Variants in WDR11 observed in about 807,000 individuals in gnomAD.
The protein encoded by WDR11 is WD repeat-containing protein 11.
A neutral mutation model predicts 151.2 loss-of-function variants in WDR11; 83 were observed. The observed-to-expected ratio is 0.55, with a 90% CI of 0.46 to 0.66. The LOEUF (loss-of-function observed/expected upper bound fraction) is 0.66. Ranked by LOEUF, WDR11 falls within the 30% of genes least tolerant of loss-of-function variation. WDR11 has a pLI of 0.00. For synonymous variants in WDR11, 484 were observed against 533.1 expected (o/e 0.91, Z 1.27); for missense variants, 1,301 against 1,480.9 (o/e 0.88, Z 1.99).
At position 120,866,766 on chromosome 10, in the gene WDR11, T is replaced by C. The variant is rs1489802416; in HGVS notation, c.1190+2T>C. The C allele has an allele frequency of 6.2e-7, 1 of 1,614,004 alleles. No homozygotes were observed. The highest frequency in any genetic ancestry group is 1.3e-5 in the African/African-American group (1 of 74,932). On this transcript the variant is annotated splice_donor_variant, in intron 8 of 28. Transcript: ENST00000263461. LOFTEE classifies it high-confidence loss of function. ...TTGTAATCGAAATTCACGGAACAGG[T>C]AAATGAATCAACAGGATCATGGTTT...
chr10:120,873,793 G>A (rs985751752), intron 10 of WDR11, 46 bp from the exon 11 acceptor site: 3 of 1,313,586 alleles, frequency 2.3e-6, no homozygotes, highest in Admixed American at 3.4e-5. Context: ...GCAAAGTGCT[G>A]GAACTCCCAC....
rs372051040 is a variant in WDR11, at chr10:120,858,733, G to T, written c.289G>T (p.Val97Phe). Residue 97 changes from valine (V) to phenylalanine (F), a missense_variant, in exon 3 of 29, where the codon GTC becomes TTC. By Grantham distance (50) the Val-to-Phe change is conservative. Transcript: ENST00000263461. The stretch of plus-strand genomic sequence containing the variant: ...TGCTGATGTCAATGGGAAGATCATC[G>T]TCTGGGATGTAGCAGCAGGAGTAGC... ...ASADVNGKII[V>F]WDVAAGVAQC... 6.2e-7 allele frequency: 1 copy of T among 1,614,186 alleles called. No homozygotes were observed. Among genetic ancestry groups the T allele is most frequent in the Non-Finnish European group, 8.5e-7 (1 of 1,180,038 alleles).
At chr10:120,868,114 G>C (rs1386232764) in intron 9 of WDR11, among the ~76,000 whole-genome samples, 1 of 152,008 alleles carries the variant, frequency 6.6e-6, no homozygotes, top group African/African-American at 2.4e-5. Flanking sequence ...ATATTATTTA[G>C]GAGGGTTTTT....
At chr10:120,867,041 C>G (rs962184431) in intron 8 of WDR11, 25 bp from the exon 9 acceptor site, 3 of 1,571,428 alleles carry the variant, frequency 1.9e-6, no homozygotes, top group Non-Finnish European at 2.6e-6. Context: ...GTATGTAAAA[C>G]CTTCTAATTA....
At chr10:120,902,152 T>G in intron 21 of WDR11, 105 bp from the exon 22 acceptor site, 2 of 941,172 alleles carry the variant, frequency 2.1e-6, no homozygotes, top group Non-Finnish European at 1.7e-6. Context: ...TCTAAACATG[T>G]TATTTGACTG....
At chr10:120,855,516 T>G (rs1845917253) in intron 2 of WDR11, among the ~76,000 whole-genome samples, 1 of 152,212 alleles carries the variant, frequency 6.6e-6, no homozygotes, top group Non-Finnish European at 1.5e-5. Flanking sequence ...GTAGTCCAAT[T>G]TATTATTTTG....
At chr10:120,862,523 A>G (rs1294603578) in intron 4 of WDR11, 6 of 545,300 alleles carry the variant, frequency 1.1e-5, no homozygotes, top group Non-Finnish European at 1.9e-5. Context: ...GACATAATAT[A>G]GAATGCCAAG....
chr10:120,889,770 C>A, intron 17 of WDR11, 125 bp from the exon 18 acceptor site: 1 of 746,080 alleles, frequency 1.3e-6, no homozygotes, highest in Non-Finnish European at 2.4e-6. Context: ...CCAGTCCCAG[C>A]AAGTAAAGGG....
chr10:120,889,814 T>C (rs1423775730), intron 17 of WDR11, 81 bp from the exon 18 acceptor site: 1 of 941,912 alleles, frequency 1.1e-6, no homozygotes, highest in East Asian at 2.5e-5. Flanking sequence ...GAAATGGAAA[T>C]AGTGAGAGAT....
intron 28 of WDR11, chr10:120,908,270 T>C: frequency 6.1e-6 from 1 of 165,008 alleles, no homozygotes; most frequent in Non-Finnish European, 1.1e-5. Context: ...CAGTTGAGTG[T>C]AGGTTATGGG....
intron 9 of WDR11, among the ~76,000 whole-genome samples, chr10:120,868,950 A>G (rs1214846184): frequency 1.3e-5 from 2 of 151,710 alleles, no homozygotes; most frequent in Non-Finnish European, 2.9e-5. Flanking sequence ...CAGTAACACA[A>G]TTTTTTGAGT....
intron 4 of WDR11, chr10:120,862,426 T>C (rs1846174075): frequency 8.3e-6 from 2 of 239,666 alleles, no homozygotes; most frequent in Non-Finnish European, 1.6e-5. Context: ...GGAAAGATTT[T>C]TAATGAAAGT....
At chr10:120,877,282 A>G (rs1029673294) in intron 11 of WDR11, among the ~76,000 whole-genome samples, 6 of 152,290 alleles carry the variant, frequency 3.9e-5, no homozygotes, top group Middle Eastern at 3.4e-3. Context: ...ATAAATGTGA[A>G]TGATCATACA....
intron 19 of WDR11, among the ~76,000 whole-genome samples, chr10:120,897,144 T>C (rs1847642621): frequency 1.3e-5 from 2 of 152,106 alleles, no homozygotes; most frequent in Admixed American, 1.3e-4. Context: ...AATGGTGGTA[T>C]TGATGTAAGT....
intron 28 of WDR11, among the ~76,000 whole-genome samples, chr10:120,907,092 G>A (rs1466277878): frequency 3.3e-5 from 5 of 152,114 alleles, no homozygotes; most frequent in Non-Finnish European, 7.4e-5. Context: ...GAGGCAGGAA[G>A]GACTATAGAG....
chr10:120,867,959 A>T (rs1185106150), intron 9 of WDR11, among the ~76,000 whole-genome samples: 1 of 152,230 alleles, frequency 6.6e-6, no homozygotes, highest in Non-Finnish European at 1.5e-5. Context: ...AGAGTTTGTG[A>T]TTTCAAATTT....
chr10:120,892,876 CA>C, intron 19 of WDR11, among the ~76,000 whole-genome samples: 1 of 152,214 alleles, frequency 6.6e-6, no homozygotes, highest in African/African-American at 2.4e-5. Context: ...GTCTTTTTAG[CA>C]GCATCTAAAA....
At chr10:120,853,270 ATT>A (rs748098358) in intron 2 of WDR11, among the ~76,000 whole-genome samples, 1 of 144,024 alleles carries the variant, frequency 6.9e-6, no homozygotes. Context: ...AGGAGTTTGG[ATT>A]TTTTTTTTTT....
intron 3 of WDR11, 81 bp from the exon 4 acceptor site, chr10:120,860,028 C>G: frequency 6.5e-7 from 1 of 1,532,568 alleles, no homozygotes; most frequent in Admixed American, 1.7e-5. Flanking sequence ...ATTTTAAAAA[C>G]TAAATATCAA....
Sources: gnomAD v4.1 joint callset for allele counts (sites outside exome capture counted in the v4.1 genomes callset) on GRCh38, gnomAD v4.1.1 for gene constraint, MANE v1.5 for transcripts, NCBI Gene and HGNC (gene_info 2026-07-23, HGNC 2026-07-21) for gene names.